TIAM1: variants seen among roughly 807,000 people sequenced by gnomAD.
TIAM1 encodes the protein TIAM Rac1 associated GEF 1.
TIAM1 carries 65 observed loss-of-function variants against 163.5 expected under a neutral mutation model. That is an observed-to-expected ratio of 0.40 (90% CI 0.33 to 0.49). The LOEUF (loss-of-function observed/expected upper bound fraction) is 0.49. Ranked by LOEUF, TIAM1 falls within the 20% of genes least tolerant of loss-of-function variation. The probability of loss-of-function intolerance (pLI) is 0.77; values close to 1 mark genes in which losing one functional copy is unlikely to be tolerated. For synonymous variants in TIAM1, 833 were observed against 810.1 expected, an observed-to-expected ratio of 1.03 and a Z score of -0.48; for missense variants, 1,789 against 2,044.7, an observed-to-expected ratio of 0.87 and a Z score of 2.41.
intron 2 of TIAM1, among the ~76,000 whole-genome samples, chr21:31,288,561 G>T (rs985544783): frequency 6.6e-6 from 1 of 152,064 alleles, no homozygotes; most frequent in South Asian, 2.1e-4. Context: ...AGGCCCCACC[G>T]CATGATACTA....
At chr21:31,173,806 A>C (rs1184210135) in intron 15 of TIAM1, among the ~76,000 whole-genome samples, 1 of 152,198 alleles carries the variant, frequency 6.6e-6, no homozygotes, top group East Asian at 1.9e-4. Flanking sequence ...GTGAAAGTCA[A>C]ATATACATTA....
At chr21:31,514,569 T>A (rs181806056) in intron 1 of TIAM1, among the ~76,000 whole-genome samples, 2 of 151,236 alleles carry the variant, frequency 1.3e-5, no homozygotes, top group Admixed American at 1.3e-4. Flanking sequence ...GCACCACACC[T>A]GTAAACCCAG....
At chr21:31,336,254 C>T (rs370445735) in intron 2 of TIAM1, among the ~76,000 whole-genome samples, 94 of 152,320 alleles carry the variant, frequency 6.2e-4, no homozygotes, top group African/African-American at 2.2e-3. Flanking sequence ...ACATGTTTCA[C>T]CTACCATTTG....
intron 2 of TIAM1, among the ~76,000 whole-genome samples, chr21:31,285,192 C>CA (rs3216554): frequency 2.0e-5 from 3 of 152,154 alleles, no homozygotes; most frequent in Admixed American, 6.5e-5. Context: ...AGCCACCCCC[C>CA]CAAGCCAATT....
intron 1 of TIAM1, among the ~76,000 whole-genome samples, chr21:31,534,193 C>T (rs894303215): frequency 6.6e-6 from 1 of 152,244 alleles, no homozygotes; most frequent in Non-Finnish European, 1.5e-5. Flanking sequence ...TAAGCATATT[C>T]AAACTCACCA....
chr21:31,180,141 G>C (rs2084946184), intron 15 of TIAM1, among the ~76,000 whole-genome samples: 1 of 152,044 alleles, frequency 6.6e-6, no homozygotes, highest in Non-Finnish European at 1.5e-5. Context: ...CCTGACCTCA[G>C]GTGATCCGCC....
At chr21:31,442,966 A>G (rs1045269706) in intron 2 of TIAM1, among the ~76,000 whole-genome samples, 5 of 152,372 alleles carry the variant, frequency 3.3e-5, no homozygotes, top group African/African-American at 9.6e-5. Context: ...CCAGTGTTTC[A>G]ATGAACTAGT....
In TIAM1 at chr21:31,189,044, CTTTTTTTTTT is replaced by C. The variant is rs58786753; in HGVS notation, c.2576-1967_2576-1958del. 0.03 allele frequency among the ~76,000 whole-genome samples: 2,091 copies of C among 70,142 alleles called. 155 individuals carry two copies. In the East Asian group the frequency reaches 0.35, roughly 12 times the overall value. The allele number at this position is 70,142 out of a possible 152,430, so 46.0% of individuals were successfully genotyped here. A position where few individuals can be genotyped will look rare whatever the true frequency, so the allele number is the denominator to read the frequency against. On this transcript the variant is annotated intron_variant, in intron 13 of 27. Coordinates refer to ENST00000541036, the MANE Select transcript of TIAM1 (RefSeq NM_001353694.2). ...TCAGGTATGATTTGCTCCATTCCCTCTTTTTTTTTTTTTTTTTTTTTTTTTTTTGAGATGG... is the reference window on the plus strand; with the variant it reads ...TCAGGTATGATTTGCTCCATTCCCTCTTTTTTTTTTTTTTTTTTGAGATGG...
chr21:31,297,466 C>G (rs1482133855), intron 2 of TIAM1, among the ~76,000 whole-genome samples: 1 of 152,226 alleles, frequency 6.6e-6, no homozygotes, highest in African/African-American at 2.4e-5. Flanking sequence ...GAGATCTCGG[C>G]TCACTGCAAT....
At chr21:31,408,778 A>G (rs1466475261) in intron 2 of TIAM1, among the ~76,000 whole-genome samples, 1 of 152,192 alleles carries the variant, frequency 6.6e-6, no homozygotes, top group Non-Finnish European at 1.5e-5. Context: ...ACACGAAGAC[A>G]ATGGTTCTCT....
intron 2 of TIAM1, among the ~76,000 whole-genome samples, chr21:31,373,716 C>T (rs1434350291): frequency 1.3e-5 from 2 of 152,006 alleles, no homozygotes; most frequent in Admixed American, 1.3e-4. Context: ...GAGTAATAAG[C>T]CCATTCAGAG....
intron 3 of TIAM1, among the ~76,000 whole-genome samples, chr21:31,269,428 G>A (rs912513188): frequency 1.3e-5 from 2 of 152,196 alleles, no homozygotes; most frequent in African/African-American, 4.8e-5. Context: ...GAAGTTTGAA[G>A]CAACTGAAGT....
intron 2 of TIAM1, among the ~76,000 whole-genome samples, chr21:31,379,275 A>G (rs1422324806): frequency 2.0e-5 from 3 of 152,120 alleles, no homozygotes; most frequent in Non-Finnish European, 4.4e-5. Context: ...CCTGGCCTAC[A>G]CTATTTTATA....
Position 31,121,675 on chromosome 21 carries a change from G to A in TIAM1, c.4307-838C>T, listed in dbSNP as rs144340063. Among the ~76,000 whole-genome samples, 22 of 152,238 alleles carry A rather than the reference G, an allele frequency of 1.4e-4. No homozygotes were observed. The South Asian group carries it at 2.9e-3, about 20-fold the overall frequency. On this transcript the variant is annotated intron_variant, in intron 27 of 27. Coordinates refer to ENST00000541036, the MANE Select transcript of TIAM1 (RefSeq NM_001353694.2). ...TCATTGGAATGAGAAATAAAAAACC[G>A]ATGACATCCAAGCAGTTTGATCAAC...
At chr21:31,338,170 T>G (rs1188142457) in intron 2 of TIAM1, among the ~76,000 whole-genome samples, 1 of 152,216 alleles carries the variant, frequency 6.6e-6, no homozygotes, top group Admixed American at 6.5e-5. Context: ...TGCGTCTGGA[T>G]GCAGGCAGAG....
At chr21:31,425,615 TTCCCTCCCTCCC>T (rs149872196) in intron 2 of TIAM1, among the ~76,000 whole-genome samples, 9 of 133,286 alleles carry the variant, frequency 6.8e-5, no homozygotes, top group African/African-American at 2.6e-4. Flanking sequence ...TTTATTTCAA[TTCCCTCCCTCCC>T]TCCCTCCCTC....
chr21:31,467,184 T>C (rs2045564485), intron 1 of TIAM1, among the ~76,000 whole-genome samples: 1 of 152,166 alleles, frequency 6.6e-6, no homozygotes, highest in Admixed American at 6.5e-5. Flanking sequence ...TTTTAAAGAT[T>C]AAGTGGGCGT....
chr21:31,558,429 C>G (rs2048969320), intron 1 of TIAM1, among the ~76,000 whole-genome samples: 1 of 152,162 alleles, frequency 6.6e-6, no homozygotes, highest in South Asian at 2.1e-4. Context: ...AAGGTGAGCG[C>G]CCAGGACGCG....
chr21:31,216,755 G>C lies in TIAM1; in HGVS notation c.2142+798C>G, dbSNP rs1317014177. 3.3e-5 allele frequency among the ~76,000 whole-genome samples: 5 copies of C among 152,162 alleles called. No individual in the cohort carries two copies. In the East Asian group the frequency reaches 7.7e-4, roughly 23 times the overall value. ...TTCCAGCCCCTGGACCTGAGCAGAA[G>C]GGGGCTGTGGCAGTGGGCGAGCTCT... On this transcript the variant is annotated intron_variant, in intron 9 of 27. Coordinates refer to ENST00000541036, the MANE Select transcript of TIAM1 (RefSeq NM_001353694.2).
Sources: gnomAD v4.1 joint callset for allele counts (sites outside exome capture counted in the v4.1 genomes callset) on GRCh38, gnomAD v4.1.1 for gene constraint, MANE v1.5 for transcripts, NCBI Gene and HGNC (gene_info 2026-07-23, HGNC 2026-07-21) for gene names.